Variants in CEP85L observed in about 807,000 individuals in gnomAD.
CEP85L encodes centrosomal protein 85L, also known as centrosomal protein of 85 kDa-like.
CEP85L carries 60 observed loss-of-function variants against 100.3 expected under a neutral mutation model. The observed-to-expected ratio is 0.60, with a 90% CI of 0.49 to 0.74. The LOEUF (loss-of-function observed/expected upper bound fraction) is 0.74. Among genes scored for constraint, CEP85L ranks in the 30% least tolerant of loss-of-function variants. The pLI is 0.00. For missense variants in CEP85L, 973 were observed against 936.2 expected (o/e 1.04, Z -0.51); for synonymous variants, 319 against 322.7 (o/e 0.99, Z 0.12).
chr6:118,674,896 AT>A (rs1776432323), intron 1 of CEP85L, among the ~76,000 whole-genome samples: 1 of 152,202 alleles, frequency 6.6e-6, no homozygotes, highest in African/African-American at 2.4e-5. Flanking sequence ...TGGAAAAACA[AT>A]TTGGCAGTTC....
At chr6:118,607,655 C>G (rs1772318019) in intron 2 of CEP85L, among the ~76,000 whole-genome samples, 1 of 151,926 alleles carries the variant, frequency 6.6e-6, no homozygotes, top group Admixed American at 6.6e-5. Flanking sequence ...AAGAGGGGCT[C>G]CAACCCACTG....
At chr6:118,512,678 AG>A (rs779698825) in intron 4 of CEP85L, among the ~76,000 whole-genome samples, 3 of 152,160 alleles carry the variant, frequency 2.0e-5, no homozygotes, top group African/African-American at 4.8e-5. Context: ...TGAGAAACCC[AG>A]GGTTTGTAAG....
At chr6:118,681,614 C>T (rs17080480) in intron 1 of CEP85L, among the ~76,000 whole-genome samples, 3,021 of 151,856 alleles carry the variant, frequency 0.02, 123 homozygotes, top group African/African-American at 0.069. Flanking sequence ...GGACTTCCCT[C>T]GAAATTTTCC....
At chr6:118,667,321 A>T (rs1231575461) in intron 1 of CEP85L, among the ~76,000 whole-genome samples, 1 of 152,114 alleles carries the variant, frequency 6.6e-6, no homozygotes, top group Non-Finnish European at 1.5e-5. Context: ...TTTTTTTTAC[A>T]CTCTAAGTGC....
chr6:118,520,281 A>T (rs1776581181), intron 4 of CEP85L, among the ~76,000 whole-genome samples: 2 of 152,230 alleles, frequency 1.3e-5, no homozygotes, highest in Non-Finnish European at 2.9e-5. Context: ...CACAGACAAC[A>T]TGATCGTTTA....
chr6:118,699,247 G>A (rs951387155), intron 1 of CEP85L, among the ~76,000 whole-genome samples: 7 of 152,042 alleles, frequency 4.6e-5, no homozygotes, highest in African/African-American at 1.4e-4. Flanking sequence ...TAGCCCAGGA[G>A]TTTGAGATCA....
chr6:118,502,626 G>A, intron 5 of CEP85L: 1 of 478,816 alleles, frequency 2.1e-6, no homozygotes, highest in East Asian at 4.1e-5. Flanking sequence ...TATTCCAGAA[G>A]AAACCTGATG....
chr6:118,647,274 CAA>C (rs1204915011), intron 1 of CEP85L, among the ~76,000 whole-genome samples: 2 of 152,212 alleles, frequency 1.3e-5, no homozygotes, highest in African/African-American at 4.8e-5. Context: ...TTTTTCAGCT[CAA>C]GTGTTTCCTG....
At chr6:118,596,220 C>A (rs990758279) in intron 2 of CEP85L, among the ~76,000 whole-genome samples, 21 of 152,182 alleles carry the variant, frequency 1.4e-4, no homozygotes, top group Admixed American at 1.2e-3. Context: ...AACATATCTG[C>A]TTGACACGGA....
At chr6:118,518,545 T>C (rs1288617038) in intron 4 of CEP85L, among the ~76,000 whole-genome samples, 2 of 152,376 alleles carry the variant, frequency 1.3e-5, no homozygotes, top group Admixed American at 6.5e-5. Context: ...TCTCTGATAG[T>C]AGTTTGTAAT....
chr6:118,686,213 A>G (rs62422256), intron 1 of CEP85L, among the ~76,000 whole-genome samples: 1 of 135,620 alleles, frequency 7.4e-6, no homozygotes, highest in Non-Finnish European at 1.7e-5. Context: ...TTTTTTTAGA[A>G]ACAACTTTAT....
At chr6:118,703,582 C>T (rs949705585) in intron 1 of CEP85L, among the ~76,000 whole-genome samples, 6 of 152,188 alleles carry the variant, frequency 3.9e-5, no homozygotes, top group African/African-American at 1.4e-4. Flanking sequence ...AGCATATAAT[C>T]TCTATGGGAG....
intron 2 of CEP85L, among the ~76,000 whole-genome samples, chr6:118,598,890 G>C (rs543160184): frequency 6.6e-6 from 1 of 152,262 alleles, no homozygotes; most frequent in Admixed American, 6.5e-5. Flanking sequence ...ATGGTGGGAG[G>C]CTTCTAACTG....
chr6:118,597,082 T>C (rs989402533), intron 2 of CEP85L, among the ~76,000 whole-genome samples: 5 of 152,094 alleles, frequency 3.3e-5, no homozygotes, highest in African/African-American at 1.2e-4. Context: ...GAAACTTCTC[T>C]CTCCTGACAC....
chr6:118,660,142 T>C (rs140244406), intron 1 of CEP85L, among the ~76,000 whole-genome samples: 2 of 152,310 alleles, frequency 1.3e-5, no homozygotes, highest in African/African-American at 4.8e-5. Flanking sequence ...CACCAGGCAT[T>C]GTAGTTTTTC....
chr6:118,693,984 G>T (rs1562362838), intron 1 of CEP85L, among the ~76,000 whole-genome samples: 1 of 152,104 alleles, frequency 6.6e-6, no homozygotes, highest in Non-Finnish European at 1.5e-5. Context: ...ATGGTGAGGT[G>T]TGACTTCCAG....
intron 2 of CEP85L, among the ~76,000 whole-genome samples, chr6:118,586,575 C>G (rs572558149): frequency 1.4e-4 from 21 of 152,290 alleles, no homozygotes; most frequent in African/African-American, 5.1e-4. Flanking sequence ...CTGGAAACAT[C>G]ACACTCAAGT....
At chr6:118,560,684 T>C (rs1319259890) in intron 3 of CEP85L, 3 of 166,710 alleles carry the variant, frequency 1.8e-5, no homozygotes, top group East Asian at 3.8e-4. Flanking sequence ...AGCTAAATTA[T>C]AGATCCAGCT....
chr6:118,588,286 G>A (rs1780980876), intron 2 of CEP85L, among the ~76,000 whole-genome samples: 1 of 152,148 alleles, frequency 6.6e-6, no homozygotes, highest in South Asian at 2.1e-4. Context: ...TGGTTTATGG[G>A]CATCCCCTCT....
Sources: allele counts gnomAD v4.1 joint callset (sites outside exome capture counted in the v4.1 genomes callset), GRCh38; gene constraint gnomAD v4.1.1; transcripts MANE v1.5; gene names NCBI Gene and HGNC (gene_info 2026-07-23, HGNC 2026-07-21).